Variants in TCAIM observed in about 807,000 individuals in gnomAD.
TCAIM encodes T-cell activation inhibitor, mitochondrial.
A neutral mutation model predicts 58.6 loss-of-function variants in TCAIM; 36 were observed. The observed-to-expected ratio is 0.61, with a 90% CI of 0.47 to 0.81. The LOEUF (loss-of-function observed/expected upper bound fraction) is 0.81. Among genes scored for constraint, TCAIM ranks in the 30% least tolerant of loss-of-function variants. The probability of loss-of-function intolerance (pLI) is 0.00; values close to 1 mark genes in which losing one functional copy is unlikely to be tolerated. For synonymous variants in TCAIM, 172 were observed against 193.6 expected (o/e 0.89, Z 0.93); for missense variants, 466 against 579.6 (o/e 0.80, Z 2.01).
chr3:44,361,236 T>C, intron 3 of TCAIM, 129 bp from the exon 4 acceptor site: 1 of 808,574 alleles, frequency 1.2e-6, no homozygotes, highest in Non-Finnish European at 1.8e-6. Flanking sequence ...CAAAGAGCTA[T>C]GAAATCCCAA....
intron 5 of TCAIM, among the ~76,000 whole-genome samples, chr3:44,373,948 A>G (rs1428091957): frequency 6.6e-6 from 1 of 152,228 alleles, no homozygotes; most frequent in Admixed American, 6.5e-5. Context: ...ATTGAACTAG[A>G]AAAAGACCAT....
At chr3:44,402,010 A>G (rs1246399406) in intron 10 of TCAIM, among the ~76,000 whole-genome samples, 4 of 152,100 alleles carry the variant, frequency 2.6e-5, no homozygotes, top group Non-Finnish European at 5.9e-5. Context: ...TCCAGCCTGA[A>G]TGAAAGAGTG....
intron 5 of TCAIM, among the ~76,000 whole-genome samples, chr3:44,372,667 C>T (rs1701497849): frequency 6.6e-6 from 1 of 151,522 alleles, no homozygotes; most frequent in Admixed American, 6.6e-5. Context: ...TATCTTGGCT[C>T]ACTGCAAGCT....
chr3:44,347,442 G>C lies in TCAIM; in HGVS notation c.-44-7297G>C, dbSNP rs185997741. Reference sequence around the variant, plus strand: ...AAGTTGCTGAGACTGATGGATGTCAGGGTCAGTCCAGGTAAAAGCAAAGGG... The same window carrying C: ...AAGTTGCTGAGACTGATGGATGTCACGGTCAGTCCAGGTAAAAGCAAAGGG... On this transcript the variant is annotated intron_variant, in intron 1 of 10. Transcript: ENST00000342649. 4.3e-4 allele frequency among the ~76,000 whole-genome samples: 65 copies of C among 152,322 alleles called. 1 individual carries two copies. The East Asian group carries it at 0.012, about 28-fold the overall frequency.
chr3:44,362,341 T>C (rs1701306885), intron 4 of TCAIM: 1 of 400,254 alleles, frequency 2.5e-6, no homozygotes, highest in Admixed American at 4.4e-5. Flanking sequence ...TTTATTAAAA[T>C]GAAAGAGTTG....
intron 4 of TCAIM, among the ~76,000 whole-genome samples, chr3:44,365,297 T>C (rs1264280322): frequency 3.9e-5 from 6 of 152,088 alleles, no homozygotes; most frequent in Non-Finnish European, 7.4e-5. Flanking sequence ...TCTCTGACAA[T>C]GATTTAAAGT....
intron 4 of TCAIM, among the ~76,000 whole-genome samples, chr3:44,364,958 C>G (rs1701350961): frequency 6.6e-6 from 1 of 152,126 alleles, no homozygotes; most frequent in African/African-American, 2.4e-5. Context: ...CAAAATTCTT[C>G]TTGGAATGTA....
At chr3:44,387,629 C>T (rs765851090) in intron 5 of TCAIM, among the ~76,000 whole-genome samples, 2 of 152,238 alleles carry the variant, frequency 1.3e-5, no homozygotes, top group African/African-American at 2.4e-5. Flanking sequence ...CTGGACCCTG[C>T]GCTCACTCAC....
intron 8 of TCAIM, among the ~76,000 whole-genome samples, chr3:44,399,171 C>T (rs1378688216): frequency 1.3e-5 from 2 of 152,086 alleles, no homozygotes; most frequent in Non-Finnish European, 2.9e-5. Context: ...AACTGATGAA[C>T]TCTGAGTAAG....
At chr3:44,358,694 G>C in intron 3 of TCAIM, 6 of 982,822 alleles carry the variant, frequency 6.1e-6, no homozygotes, top group Non-Finnish European at 7.3e-6. Flanking sequence ...GGGAGGTCCT[G>C]GAACCAATCC....
In TCAIM at chr3:44,367,605, C is replaced by G; in HGVS notation, c.469C>G (p.Pro157Ala). 1 of 1,614,072 alleles carries G rather than the reference C, an allele frequency of 6.2e-7. No homozygotes were observed. The highest frequency in any genetic ancestry group is 8.5e-7 in the Non-Finnish European group (1 of 1,180,004). Residue 157 changes from proline (P) to alanine (A), a missense_variant, in exon 5 of 11, where the codon CCT (proline) becomes GCT (alanine). Transcript: ENST00000342649. Reference sequence around the variant, plus strand: ...GCCTCTCAAAGAAGCTAAAAGGATGCCTGACAGGCCCATCAAATGGGACAA... The same window carrying G: ...GCCTCTCAAAGAAGCTAAAAGGATGGCTGACAGGCCCATCAAATGGGACAA... ...TQPLKEAKRM[P>A]DRPIKWDKSY...
rs746798266 is a variant in TCAIM at position 44,357,867 on chromosome 3, C to T, written c.156C>T (p.Pro52=). The T allele has an allele frequency of 1.9e-5, 31 of 1,613,548 alleles. No homozygotes were observed. The East Asian group carries it at 3.3e-4, about 17-fold the overall frequency. Residue 52 remains proline (P), a synonymous_variant, in exon 3 of 11, where the codon CCC becomes CCT. Transcript: ENST00000342649. ...ATCCAGATTTCTTTGGACAGCACCC[C>T]GTAGAAAGGGTAAACATTTATTTAT... ...AVHPDFFGQH[P]VEREINENSL...
chr3:44,353,338 G>A (rs1224851682), intron 1 of TCAIM, among the ~76,000 whole-genome samples: 3 of 152,188 alleles, frequency 2.0e-5, no homozygotes, highest in East Asian at 1.9e-4. Context: ...GAAGGACATC[G>A]TGGTTGCTTC....
chr3:44,387,151 C>G (rs1164665881), intron 5 of TCAIM, among the ~76,000 whole-genome samples: 1 of 152,206 alleles, frequency 6.6e-6, no homozygotes, highest in Non-Finnish European at 1.5e-5. Flanking sequence ...GTTGACACAG[C>G]CTGCCTGTGA....
At position 44,349,773 on chromosome 3, in the gene TCAIM, G is replaced by A. The variant is rs375270353; in HGVS notation, c.-44-4966G>A. Reference sequence around the variant, plus strand: ...TCTCTACCAGAAAGGGAAAGGAACTGAAATTAAGGGAAGGGAGAGATTGAA... The same window carrying A: ...TCTCTACCAGAAAGGGAAAGGAACTAAAATTAAGGGAAGGGAGAGATTGAA... On this transcript the variant is annotated intron_variant, in intron 1 of 10. Coordinates refer to ENST00000342649, the MANE Select transcript of TCAIM (RefSeq NM_173826.4). Among the ~76,000 whole-genome samples the A allele has an allele frequency of 4.1e-4, 63 of 152,304 alleles. No homozygotes were observed. The South Asian group carries it at 0.013, about 31-fold the overall frequency.
At chr3:44,364,430 A>G (rs1701340428) in intron 4 of TCAIM, among the ~76,000 whole-genome samples, 1 of 152,120 alleles carries the variant, frequency 6.6e-6, no homozygotes, top group Admixed American at 6.6e-5. Context: ...ACACATATAA[A>G]TGTCAGTTAA....
chr3:44,367,309 G>A (rs1250270797), intron 4 of TCAIM, 147 bp from the exon 5 acceptor site: 2 of 848,228 alleles, frequency 2.4e-6, no homozygotes, highest in Non-Finnish European at 3.4e-6. Flanking sequence ...TTTTAGAGAA[G>A]GGAAGTCATT....
intron 5 of TCAIM, among the ~76,000 whole-genome samples, chr3:44,389,239 G>A (rs1056521245): frequency 1.1e-4 from 16 of 152,164 alleles, no homozygotes; most frequent in African/African-American, 2.7e-4. Context: ...GCAGCGAGCC[G>A]AGATCGTGCC....
intron 5 of TCAIM, among the ~76,000 whole-genome samples, chr3:44,372,754 C>T (rs541495702): frequency 2.0e-5 from 3 of 152,054 alleles, no homozygotes; most frequent in East Asian, 1.9e-4. Context: ...CCACCACACC[C>T]GGCTAATTTT....
Sources: gnomAD v4.1 joint callset for allele counts (sites outside exome capture counted in the v4.1 genomes callset) on GRCh38, gnomAD v4.1.1 for gene constraint, MANE v1.5 for transcripts, NCBI Gene and HGNC (gene_info 2026-07-23, HGNC 2026-07-21) for gene names.